TNKS2: variants seen among roughly 807,000 people sequenced by gnomAD.
TNKS2 encodes poly [ADP-ribose] polymerase tankyrase-2.
TNKS2 carries 72 observed loss-of-function variants against 137.6 expected under a neutral mutation model. The observed-to-expected ratio is 0.52, with a 90% CI of 0.43 to 0.64. The LOEUF (loss-of-function observed/expected upper bound fraction) is 0.64, where lower values mean the gene tolerates loss of function less well. Among genes scored for constraint, TNKS2 ranks in the 30% least tolerant of loss-of-function variants. The pLI, the probability that TNKS2 is intolerant of heterozygous loss-of-function variation, is 0.00. For missense variants in TNKS2, 1,049 were observed against 1,410.2 expected, an observed-to-expected ratio of 0.74 and a Z score of 4.10; for synonymous variants, 516 against 512.1, an observed-to-expected ratio of 1.01 and a Z score of -0.10.
chr10:91,851,800 A>G (rs1463218789), intron 21 of TNKS2, among the ~76,000 whole-genome samples: 2 of 152,218 alleles, frequency 1.3e-5, no homozygotes, highest in Non-Finnish European at 2.9e-5. Context: ...GAAAGCAATA[A>G]TGTTGCAACT....
chr10:91,860,577 T>G (rs747584451), intron 25 of TNKS2, among the ~76,000 whole-genome samples: 2 of 152,192 alleles, frequency 1.3e-5, no homozygotes, highest in South Asian at 2.1e-4. Context: ...CAGGGAATAT[T>G]AAAAAACTAT....
chr10:91,840,748 A>G (rs771068281), intron 14 of TNKS2, 42 bp downstream of exon 14: 8 of 1,552,436 alleles, frequency 5.2e-6, no homozygotes, highest in Non-Finnish European at 6.1e-6. Context: ...CCTTACTTTT[A>G]CTTGACCTTT....
chr10:91,817,728 A>G (rs1247806648), intron 3 of TNKS2, among the ~76,000 whole-genome samples: 1 of 152,158 alleles, frequency 6.6e-6, no homozygotes, highest in African/African-American at 2.4e-5. Flanking sequence ...TTCTAGGCAC[A>G]CTCATTTCAG....
chr10:91,806,580 A>G (rs1256318776), intron 1 of TNKS2, among the ~76,000 whole-genome samples: 1 of 152,042 alleles, frequency 6.6e-6, no homozygotes, highest in Non-Finnish European at 1.5e-5. Flanking sequence ...AATCCCTTAT[A>G]TTAACAGGTA....
At chr10:91,818,030 TAGACTTCTTCATGAGA>T (rs1360259657) in intron 3 of TNKS2, among the ~76,000 whole-genome samples, 4 of 152,244 alleles carry the variant, frequency 2.6e-5, no homozygotes, top group Non-Finnish European at 5.9e-5. Flanking sequence ...TGAGAAAATT[TAGACTTCTTCATGAGA>T]AGACTTCTTC....
rs1407729231 is a variant in TNKS2 at position 91,812,053 on chromosome 10, C to T, written c.200-930C>T. 3.4e-5 allele frequency among the ~76,000 whole-genome samples: 4 copies of T among 118,560 alleles called. No homozygotes were observed. The East Asian group carries it at 1.1e-3, about 31-fold the overall frequency. The allele number at this position is 118,560 out of a possible 152,430, so 77.8% of individuals were successfully genotyped here. A position where few individuals can be genotyped will look rare whatever the true frequency, so the allele number is the denominator to read the frequency against. ...CAGCCTGGGCGACAGAGCGACACTC[C>T]GTCTCAAAAAAAAAAAAAAAAAGAA... On this transcript the variant is annotated intron_variant, in intron 1 of 26. Transcript: ENST00000371627.
chr10:91,823,691 G>T (rs770919439), intron 7 of TNKS2, among the ~76,000 whole-genome samples: 10 of 151,966 alleles, frequency 6.6e-5, no homozygotes, highest in Non-Finnish European at 1.2e-4. Flanking sequence ...TTTGGAAGTG[G>T]ATCCCAGGAT....
intron 6 of TNKS2, among the ~76,000 whole-genome samples, chr10:91,821,132 G>A (rs776652660): frequency 2.6e-5 from 4 of 152,108 alleles, no homozygotes; most frequent in Non-Finnish European, 5.9e-5. Context: ...CCACCTCCCG[G>A]GTTCAAGTGA....
chr10:91,822,176 A>G, intron 6 of TNKS2, 120 bp from the exon 7 acceptor site: 1 of 747,268 alleles, frequency 1.3e-6, no homozygotes, highest in South Asian at 2.4e-5. Flanking sequence ...TTTTTATTAG[A>G]ACATCACATA....
intron 24 of TNKS2, among the ~76,000 whole-genome samples, chr10:91,858,865 C>T (rs1842781313): frequency 6.6e-6 from 1 of 152,072 alleles, no homozygotes; most frequent in Admixed American, 6.6e-5. Context: ...AAAAGTTAGC[C>T]AGGCATGGTG....
chr10:91,851,993 C>T (rs1383666530), intron 21 of TNKS2, among the ~76,000 whole-genome samples: 2 of 152,178 alleles, frequency 1.3e-5, no homozygotes, highest in Non-Finnish European at 2.9e-5. Flanking sequence ...CTTTGGGAGG[C>T]CGATGCAGGT....
chr10:91,847,442 G>T (rs540989149), intron 18 of TNKS2, among the ~76,000 whole-genome samples: 3 of 152,072 alleles, frequency 2.0e-5, no homozygotes, highest in African/African-American at 7.2e-5. Context: ...TGGGCTCACT[G>T]CAACCTCCGC....
intron 21 of TNKS2, 114 bp from the exon 22 acceptor site, chr10:91,854,913 AAG>A: frequency 3.8e-6 from 2 of 521,626 alleles, no homozygotes; most frequent in Admixed American, 3.7e-5. Flanking sequence ...AAAAAAAAAA[AAG>A]TTTAAAAAAA....
chr10:91,845,164 T>G, intron 17 of TNKS2, 136 bp downstream of exon 17: 1 of 672,994 alleles, frequency 1.5e-6, no homozygotes, highest in Non-Finnish European at 2.6e-6. Context: ...GTTAAATAAC[T>G]TCCAAATTTC....
Position 91,859,545 on chromosome 10 carries a change from T to G in TNKS2, c.3178T>G (p.Tyr1060Asp). Residue 1060 changes from tyrosine to aspartate, a missense_variant, in exon 25 of 27, where the codon TAT becomes GAT. By Grantham distance (160) the Tyr-to-Asp change is radical. This residue lies in a region of TNKS2 where 133 missense variants were observed against 248.4 expected (regional missense o/e 0.54). Transcript: ENST00000371627. ...YIGGMFGAGI[Y>D]FAENSSKSNQ... ...AGGTGGTATGTTTGGAGCTGGCATT[T>G]ATTTTGCTGAAAACTCTTCCAAAAG... 6.2e-7 allele frequency: 1 copy of G among 1,614,094 alleles called. No individual in the cohort carries two copies. Among genetic ancestry groups the G allele is most frequent in the African/African-American group, 1.3e-5 (1 of 75,048 alleles).
In TNKS2 at chr10:91,812,832, A is replaced by G. The variant is rs558693104; in HGVS notation, c.200-151A>G. ...TTTATCATTAAGGTTAGTTATTGAT[A>G]TATTTCTGATCACCTTTCCATTAAT... On this transcript the variant is annotated intron_variant, in intron 1 of 26. Transcript: ENST00000371627. The G allele has an allele frequency of 2.6e-5, 38 of 1,448,492 alleles. No homozygotes were observed. The African/African-American group carries it at 4.3e-4, about 16-fold the overall frequency. 89.7% of individuals were successfully genotyped at this position (1,448,492 alleles called of 1,614,324 possible). A position where few individuals can be genotyped will look rare whatever the true frequency, so the allele number is the denominator to read the frequency against.
Position 91,849,585 on chromosome 10 carries a change from G to A in TNKS2, c.2685G>A (p.Glu895=). The change falls in exon 20 of 27, where the codon GAG becomes GAA. Residue 895 remains glutamate, a synonymous_variant. Transcript: ENST00000371627. Reference sequence around the variant, plus strand: ...TTGAGCACCTAATGGATATATTTGAGAGAGAACAGGTGAGTAGATAAATCA... The same window carrying A: ...TTGAGCACCTAATGGATATATTTGAAAGAGAACAGGTGAGTAGATAAATCA... ...LGLEHLMDIF[E]REQITLDVLV... is the part of the protein sequence containing the mutation. 1 of 1,608,280 alleles carries A rather than the reference G, an allele frequency of 6.2e-7. No individual in the cohort carries two copies. The highest frequency in any genetic ancestry group is 8.5e-7 in the Non-Finnish European group (1 of 1,177,658).
intron 1 of TNKS2, chr10:91,807,543 A>T (rs1360266035): frequency 9.5e-7 from 1 of 1,048,868 alleles, no homozygotes; most frequent in Non-Finnish European, 1.5e-6. Context: ...CTGCAATGCC[A>T]TTCTTTCTTA....
Position 91,812,979 on chromosome 10 carries a change from C to T in TNKS2, c.200-4C>T, listed in dbSNP as rs11186693. 1.9e-6 allele frequency: 3 copies of T among 1,613,596 alleles called. No homozygotes were observed. The highest frequency in any genetic ancestry group is 2.2e-5 in the South Asian group (2 of 91,006). On this transcript the variant is annotated splice_polypyrimidine_tract_variant and splice_region_variant and intron_variant, in intron 1 of 26. Coordinates refer to ENST00000371627, the MANE Select transcript of TNKS2 (RefSeq NM_025235.4). ...TTACGTGTGGACAATTTGTTTTCATCTAGGTTTTGGGCGGAAAGACGTAGT... is the reference window on the plus strand; with the variant it reads ...TTACGTGTGGACAATTTGTTTTCATTTAGGTTTTGGGCGGAAAGACGTAGT...
Sources: gnomAD v4.1 joint callset for allele counts (sites outside exome capture counted in the v4.1 genomes callset) on GRCh38, gnomAD v4.1.1 for gene constraint, gnomAD v4.1.1 regional missense constraint, MANE v1.5 for transcripts, NCBI Gene and HGNC (gene_info 2026-07-23, HGNC 2026-07-21) for gene names.